Variants in GYPE observed in about 807,000 individuals in gnomAD.
The protein encoded by GYPE is glycophorin E (MNS blood group), also known as glycophorin-E.
In GYPE, 8 loss-of-function variants were observed where a neutral mutation model predicts 11.6. The ratio of observed to expected loss-of-function variants is 0.69; its 90% confidence interval spans 0.41 to 1.25. The LOEUF is 1.25. Ranked by LOEUF, GYPE falls within the 50% of genes most tolerant of loss-of-function variation. The pLI is 0.01. For synonymous variants in GYPE, 28 were observed against 29.6 expected (o/e 0.94, Z 0.18); for missense variants, 90 against 92.8 (o/e 0.97, Z 0.12).
At chr4:143,902,369 G>C (rs991577305) in intron 1 of GYPE, among the ~76,000 whole-genome samples, 6 of 146,944 alleles carry the variant, frequency 4.1e-5, no homozygotes, top group Non-Finnish European at 7.5e-5. Flanking sequence ...GAGATGCCTT[G>C]TTTCTTCACT....
At chr4:143,902,035 T>C (rs11721561) in intron 1 of GYPE, among the ~76,000 whole-genome samples, 142,495 of 152,000 alleles carry the variant, frequency 0.94, 67,542 homozygotes, top group East Asian at 1. Context: ...TGAAAAATGA[T>C]TGTAGATACC....
intron 2 of GYPE, among the ~76,000 whole-genome samples, chr4:143,879,193 T>C (rs1899961): frequency 0.25 from 38,293 of 151,884 alleles, 4,967 homozygotes; most frequent in East Asian, 0.36. Flanking sequence ...TCAGCAGCAA[T>C]TGATAGTATG....
At chr4:143,872,859 T>A (rs1218470066) in intron 3 of GYPE, among the ~76,000 whole-genome samples, 2 of 128,590 alleles carry the variant, frequency 1.6e-5, no homozygotes, top group African/African-American at 6.6e-5. Context: ...TGCAACCAAA[T>A]GACAGGAGAG....
intron 2 of GYPE, among the ~76,000 whole-genome samples, chr4:143,879,289 A>G (rs1743931998): frequency 6.6e-6 from 1 of 152,192 alleles, no homozygotes; most frequent in Non-Finnish European, 1.5e-5. Context: ...ATTTTACATC[A>G]TGAAGCTCTC....
intron 1 of GYPE, among the ~76,000 whole-genome samples, chr4:143,898,335 C>T (rs1744739559): frequency 6.6e-6 from 1 of 152,178 alleles, no homozygotes; most frequent in South Asian, 2.1e-4. Context: ...TGAGATCGTG[C>T]CACTGCACTC....
At chr4:143,882,156 A>G (rs1237359873) in intron 1 of GYPE, among the ~76,000 whole-genome samples, 1 of 152,142 alleles carries the variant, frequency 6.6e-6, no homozygotes, top group Non-Finnish European at 1.5e-5. Flanking sequence ...GTGTGTATAA[A>G]CGATTGCCAT....
At chr4:143,872,324 A>G (rs1409687893) in intron 3 of GYPE, 72 bp from the exon 4 acceptor site, 8 of 152,626 alleles carry the variant, frequency 5.2e-5, no homozygotes, top group African/African-American at 1.9e-4. Flanking sequence ...TTAATAACAA[A>G]AACAACCAGA....
chr4:143,873,590 A>T (rs997586525), intron 3 of GYPE: 20 of 386,076 alleles, frequency 5.2e-5, no homozygotes, highest in Admixed American at 3.0e-4. Flanking sequence ...TGACAAGACC[A>T]TCTGGAAGAG....
At chr4:143,878,103 A>G (rs533956263) in intron 2 of GYPE, among the ~76,000 whole-genome samples, 86 of 145,788 alleles carry the variant, frequency 5.9e-4, no homozygotes, top group African/African-American at 1.9e-3. Context: ...ATGTATTTCT[A>G]TTTCCAAAAT....
At chr4:143,897,276 C>A (rs1469046951) in intron 1 of GYPE, among the ~76,000 whole-genome samples, 1 of 151,892 alleles carries the variant, frequency 6.6e-6, no homozygotes, top group Non-Finnish European at 1.5e-5. Context: ...CCACCCTGGG[C>A]AACATAAGAA....
chr4:143,882,140 C>T (rs181778117), intron 1 of GYPE, among the ~76,000 whole-genome samples: 1 of 152,264 alleles, frequency 6.6e-6, no homozygotes, highest in East Asian at 1.9e-4. Flanking sequence ...CACCTGATTC[C>T]ATCATGTGTG....
chr4:143,891,853 A>G (rs1190416889), intron 1 of GYPE, among the ~76,000 whole-genome samples: 1 of 152,054 alleles, frequency 6.6e-6, no homozygotes, highest in Admixed American at 6.6e-5. Context: ...GGGCTATGAA[A>G]TCAGTCCAGT....
chr4:143,898,350 C>T (rs1744740745), intron 1 of GYPE, among the ~76,000 whole-genome samples: 1 of 152,130 alleles, frequency 6.6e-6, no homozygotes, highest in Non-Finnish European at 1.5e-5. Flanking sequence ...GCACTCCAGC[C>T]TGGGCGACAG....
intron 2 of GYPE, among the ~76,000 whole-genome samples, chr4:143,879,169 C>G (rs1386958937): frequency 1.3e-5 from 2 of 152,198 alleles, no homozygotes; most frequent in African/African-American, 2.4e-5. Context: ...CCAATAGTCT[C>G]TCTGGATTCT....
intron 1 of GYPE, among the ~76,000 whole-genome samples, chr4:143,893,736 C>A (rs368995432): frequency 6.6e-6 from 1 of 152,054 alleles, no homozygotes; most frequent in African/African-American, 2.4e-5. Context: ...CTCTGGCTGC[C>A]CTTAGCATTT....
chr4:143,881,190 C>CA (rs35536556), intron 1 of GYPE, among the ~76,000 whole-genome samples: 8,281 of 104,542 alleles, frequency 0.079, 812 homozygotes, highest in East Asian at 0.56. Context: ...GACTCCGTCT[C>CA]AAAAAAAAAA....
At position 143,876,727 on chromosome 4, in the gene GYPE, T is replaced by A. The variant is rs778331056; in HGVS notation, c.*9+19A>T. 1.5e-6 allele frequency: 2 copies of A among 1,352,218 alleles called. No individual in the cohort carries two copies. Among genetic ancestry groups the A allele is most frequent in the East Asian group, 4.7e-5 (2 of 42,952 alleles). 83.8% of individuals were successfully genotyped at this position (1,352,218 alleles called of 1,614,324 possible). ...GTTCACACTGGTATTTAGAGCAAAATTAAAAACTGAATTCTCACCTTTATC... is the reference window on the plus strand; with the variant it reads ...GTTCACACTGGTATTTAGAGCAAAAATAAAAACTGAATTCTCACCTTTATC... On this transcript the variant is annotated intron_variant, in intron 3 of 3. Transcript: ENST00000358615.
intron 3 of GYPE, among the ~76,000 whole-genome samples, chr4:143,876,025 G>A (rs1167321047): frequency 1.3e-5 from 2 of 151,868 alleles, no homozygotes; most frequent in Non-Finnish European, 2.9e-5. Flanking sequence ...AATCACTGAT[G>A]TTAAGAATTC....
intron 1 of GYPE, among the ~76,000 whole-genome samples, chr4:143,901,953 G>T (rs11724377): frequency 0.94 from 142,493 of 152,008 alleles, 67,537 homozygotes; most frequent in East Asian, 1. Flanking sequence ...CCAAGCTAAA[G>T]ATATCTATAG....
Sources: allele counts gnomAD v4.1 joint callset (sites outside exome capture counted in the v4.1 genomes callset), GRCh38; gene constraint gnomAD v4.1.1; transcripts MANE v1.5; gene names NCBI Gene and HGNC (gene_info 2026-07-23, HGNC 2026-07-21).